The following LRP1B variants were observed in gnomAD, a reference collection of about 807,000 sequenced individuals.
The protein encoded by LRP1B is LDL receptor related protein 1B, also known as low-density lipoprotein receptor-related protein 1B.
A neutral mutation model predicts 556.6 loss-of-function variants in LRP1B; 217 were observed. That is an observed-to-expected ratio of 0.39 (90% CI 0.35 to 0.44). The LOEUF (loss-of-function observed/expected upper bound fraction) is 0.44. Among genes scored for constraint, LRP1B ranks in the 20% least tolerant of loss-of-function variants. The probability of loss-of-function intolerance (pLI) is 1.00; values close to 1 mark genes in which losing one functional copy is unlikely to be tolerated. For synonymous variants in LRP1B, 2,047 were observed against 1,865.8 expected (o/e 1.10, Z -2.50); for missense variants, 5,053 against 5,620.8 (o/e 0.90, Z 3.23).
chr2:141,486,560 A>G (rs1372541223), intron 2 of LRP1B, among the ~76,000 whole-genome samples: 1 of 152,066 alleles, frequency 6.6e-6, no homozygotes, highest in African/African-American at 2.4e-5. Flanking sequence ...ACATCGTCAT[A>G]TCTTAGCGGA....
intron 49 of LRP1B, among the ~76,000 whole-genome samples, chr2:140,519,209 T>G (rs6430908): frequency 0.72 from 109,872 of 151,936 alleles, 40,271 homozygotes; most frequent in Middle Eastern, 0.87. Context: ...GACTTCAAAC[T>G]ATACTACAAG....
intron 87 of LRP1B, among the ~76,000 whole-genome samples, chr2:140,242,198 T>A (rs180811289): frequency 6.6e-6 from 1 of 151,242 alleles, no homozygotes; most frequent in East Asian, 2.0e-4. Context: ...AATTTACTCA[T>A]CTATAATATG....
At chr2:140,929,599 T>G (rs987038378) in intron 20 of LRP1B, among the ~76,000 whole-genome samples, 4 of 152,096 alleles carry the variant, frequency 2.6e-5, no homozygotes, top group Non-Finnish European at 5.9e-5. Flanking sequence ...TAGATTCTGA[T>G]GTAATCAGAC....
intron 7 of LRP1B, among the ~76,000 whole-genome samples, chr2:141,181,260 A>G (rs1000532309): frequency 3.3e-5 from 5 of 151,958 alleles, no homozygotes; most frequent in African/African-American, 9.7e-5. Flanking sequence ...TAGAGGAATT[A>G]TCCTGGAAAG....
At chr2:140,740,938 C>T (rs1688116144) in intron 35 of LRP1B, among the ~76,000 whole-genome samples, 1 of 152,052 alleles carries the variant, frequency 6.6e-6, no homozygotes, top group South Asian at 2.1e-4. Context: ...TACTGAGGGG[C>T]TAGGGGTTAG....
At chr2:140,734,343 C>A (rs1239600585) in intron 35 of LRP1B, among the ~76,000 whole-genome samples, 1 of 152,110 alleles carries the variant, frequency 6.6e-6, no homozygotes, top group Admixed American at 6.6e-5. Context: ...AAGAAACTCT[C>A]AGAATGTGGC....
chr2:141,462,996 G>C (rs923528906), intron 3 of LRP1B, among the ~76,000 whole-genome samples: 19 of 152,098 alleles, frequency 1.2e-4, no homozygotes, highest in Non-Finnish European at 2.6e-4. Context: ...GAATACAATT[G>C]ACTATTGAGC....
intron 1 of LRP1B, among the ~76,000 whole-genome samples, chr2:141,849,835 A>G (rs1395906326): frequency 6.6e-6 from 1 of 151,688 alleles, no homozygotes; most frequent in Non-Finnish European, 1.5e-5. Context: ...AATTCCATCT[A>G]GGATGTATAT....
At chr2:141,991,012 A>G (rs760144359) in intron 1 of LRP1B, among the ~76,000 whole-genome samples, 14 of 151,798 alleles carry the variant, frequency 9.2e-5, no homozygotes, top group Admixed American at 2.6e-4. Flanking sequence ...CCCGTTTTTC[A>G]TTTTGCACTT....
intron 7 of LRP1B, among the ~76,000 whole-genome samples, chr2:141,125,792 T>TA (rs1180574927): frequency 7.2e-6 from 1 of 139,770 alleles, no homozygotes; most frequent in Non-Finnish European, 1.5e-5. Context: ...TCTATACCTA[T>TA]AAGGTTTTAC....
intron 1 of LRP1B, among the ~76,000 whole-genome samples, chr2:141,955,390 C>T (rs1466497216): frequency 6.6e-6 from 1 of 152,138 alleles, no homozygotes; most frequent in Non-Finnish European, 1.5e-5. Flanking sequence ...TTTTCTTTCT[C>T]AGCACTTTTT....
In LRP1B at chr2:141,128,328, C is replaced by A. The variant is rs113906187; in HGVS notation, c.1013+60093G>T. The stretch of plus-strand genomic sequence containing the variant: ...AACAAAAGGTTTTGGATCTTCACTA[C>A]AGATAGTTCGAGACACACTGTTTTA... On this transcript the variant is annotated intron_variant, in intron 7 of 90. Coordinates refer to ENST00000389484, the MANE Select transcript of LRP1B (RefSeq NM_018557.3). 5.9e-5 allele frequency among the ~76,000 whole-genome samples: 9 copies of A among 152,338 alleles called. 2 individuals carry two copies. Among genetic ancestry groups the A allele is most frequent in the African/African-American group, 2.2e-4 (9 of 41,586 alleles).
rs1482969973 is a variant in LRP1B at position 141,243,125 on chromosome 2, TTTTA to T, written c.592+4097_592+4100del. Among the ~76,000 whole-genome samples, 6 of 143,614 alleles carry T rather than the reference TTTTA, an allele frequency of 4.2e-5. No homozygotes were observed. In the East Asian group the frequency reaches 1.1e-3, roughly 25 times the overall value. 94.2% of individuals were successfully genotyped at this position (143,614 alleles called of 152,430 possible). On this transcript the variant is annotated intron_variant, in intron 5 of 90. Transcript: ENST00000389484. ...GTACCTATACATGGTTATTTTTTAT[TTTTA>T]TTTATTATTATTTTTATTTTTTTTT...
intron 2 of LRP1B, among the ~76,000 whole-genome samples, chr2:141,679,195 TG>T (rs1691014618): frequency 6.6e-6 from 1 of 152,120 alleles, no homozygotes; most frequent in African/African-American, 2.4e-5. Context: ...CGAGTAAGCC[TG>T]GGTGAATCTC....
chr2:140,582,481 C>T (rs958098587), intron 43 of LRP1B, among the ~76,000 whole-genome samples: 83 of 152,240 alleles, frequency 5.5e-4, no homozygotes, highest in Admixed American at 4.2e-3. Flanking sequence ...AACTTAATTG[C>T]CAATATGATA....
At chr2:142,114,786 T>C (rs953792350) in intron 1 of LRP1B, among the ~76,000 whole-genome samples, 13 of 152,066 alleles carry the variant, frequency 8.5e-5, no homozygotes, top group Non-Finnish European at 7.4e-5. Flanking sequence ...GAGTAGCTGG[T>C]TAATGATTAC....
chr2:141,023,521 G>T (rs962629584), intron 11 of LRP1B, among the ~76,000 whole-genome samples: 1 of 152,004 alleles, frequency 6.6e-6, no homozygotes, highest in Non-Finnish European at 1.5e-5. Context: ...TTTTTAAAGA[G>T]AGTGGTTTTG....
At chr2:141,557,984 T>G (rs1686022439) in intron 2 of LRP1B, among the ~76,000 whole-genome samples, 1 of 151,908 alleles carries the variant, frequency 6.6e-6, no homozygotes, top group Non-Finnish European at 1.5e-5. Flanking sequence ...AAATGCTCTC[T>G]GCCCATGGCC....
intron 2 of LRP1B, among the ~76,000 whole-genome samples, chr2:141,753,936 C>A (rs1694230007): frequency 6.6e-6 from 1 of 152,066 alleles, no homozygotes; most frequent in Non-Finnish European, 1.5e-5. Context: ...AGTGTACATG[C>A]ACACAGTAGA....
Sources: allele counts gnomAD v4.1 joint callset (sites outside exome capture counted in the v4.1 genomes callset), GRCh38; gene constraint gnomAD v4.1.1; transcripts MANE v1.5; gene names NCBI Gene and HGNC (gene_info 2026-07-23, HGNC 2026-07-21).